CDK14: variants seen among roughly 807,000 people sequenced by gnomAD.
The protein encoded by CDK14 is cyclin dependent kinase 14, also known as cyclin-dependent kinase 14.
In CDK14, 34 loss-of-function variants were observed where a neutral mutation model predicts 60.7. The ratio of observed to expected loss-of-function variants is 0.56; its 90% CI spans 0.43 to 0.75. The LOEUF is 0.75. Ranked by LOEUF, CDK14 falls within the 30% of genes least tolerant of loss-of-function variation. The pLI, the probability that CDK14 is intolerant of heterozygous loss-of-function variation, is 0.00. For synonymous variants in CDK14, 197 were observed against 203.7 expected, an observed-to-expected ratio of 0.97 and a Z score of 0.28; for missense variants, 482 against 564.1, an observed-to-expected ratio of 0.85 and a Z score of 1.47.
At chr7:91,153,363 A>G (rs954347811) in intron 14 of CDK14, among the ~76,000 whole-genome samples, 1 of 152,202 alleles carries the variant, frequency 6.6e-6, no homozygotes, top group Non-Finnish European at 1.5e-5. Context: ...CAGAACTGTC[A>G]TTTGACCCAG....
intron 4 of CDK14, among the ~76,000 whole-genome samples, chr7:90,789,723 A>G (rs990341989): frequency 1.3e-5 from 2 of 152,122 alleles, no homozygotes; most frequent in Admixed American, 6.5e-5. Context: ...ACTGAGGATT[A>G]TATGTGTGCT....
chr7:91,148,633 G>A (rs575116423), intron 14 of CDK14, among the ~76,000 whole-genome samples: 31 of 152,156 alleles, frequency 2.0e-4, no homozygotes, highest in Non-Finnish European at 4.3e-4. Context: ...CATTCTTTGG[G>A]GAGAGATAGA....
chr7:90,596,779 C>A, intron 1 of CDK14, 61 bp downstream of exon 1: 1 of 1,397,022 alleles, frequency 7.2e-7, no homozygotes, highest in Non-Finnish European at 1.0e-6. Context: ...GCGCCCCCGC[C>A]GCGTTCCTGG....
chr7:91,172,742 C>A (rs772025582), intron 14 of CDK14, among the ~76,000 whole-genome samples: 3 of 152,246 alleles, frequency 2.0e-5, no homozygotes, highest in Admixed American at 1.3e-4. Flanking sequence ...GTGGAAATGC[C>A]GTCCTTCCTT....
At chr7:90,618,805 G>A (rs1017346298) in intron 2 of CDK14, among the ~76,000 whole-genome samples, 5 of 152,154 alleles carry the variant, frequency 3.3e-5, no homozygotes, top group African/African-American at 1.2e-4. Flanking sequence ...CATCAGTTGA[G>A]TTGGAAAGAT....
At chr7:90,635,114 C>T (rs993937581) in intron 2 of CDK14, among the ~76,000 whole-genome samples, 34 of 151,974 alleles carry the variant, frequency 2.2e-4, no homozygotes, top group African/African-American at 8.2e-4. Flanking sequence ...GTTTCTTTTG[C>T]TGTGCAGAAG....
rs17866307 is a variant in CDK14, at chr7:90,639,361, C to T, written c.123+35112C>T. 6.6e-3 allele frequency among the ~76,000 whole-genome samples: 1,004 copies of T among 152,164 alleles called. 9 individuals are homozygous for T. Among genetic ancestry groups the T allele is most frequent in the African/African-American group, 0.021 (877 of 41,498 alleles). On this transcript the variant is annotated intron_variant, in intron 2 of 14. Coordinates refer to ENST00000380050, the MANE Select transcript of CDK14 (RefSeq NM_001287135.2). Reference sequence around the variant, plus strand: ...TCCTTCTAACAGACAGGACCCTCAGCTGCAGGTCTGTTGGAGTTTGCTAGA... The same window carrying T: ...TCCTTCTAACAGACAGGACCCTCAGTTGCAGGTCTGTTGGAGTTTGCTAGA...
At chr7:90,988,049 T>C (rs1228490859) in intron 10 of CDK14, among the ~76,000 whole-genome samples, 1 of 152,180 alleles carries the variant, frequency 6.6e-6, no homozygotes, top group Non-Finnish European at 1.5e-5. Context: ...ACAGCTAATA[T>C]AATTAGCTCC....
At chr7:90,633,396 G>T (rs1800050139) in intron 2 of CDK14, among the ~76,000 whole-genome samples, 1 of 152,132 alleles carries the variant, frequency 6.6e-6, no homozygotes, top group Admixed American at 6.5e-5. Context: ...AAATTTCTTA[G>T]ATATATGCAA....
chr7:90,794,681 T>G (rs569336234), intron 5 of CDK14, among the ~76,000 whole-genome samples: 1 of 152,302 alleles, frequency 6.6e-6, no homozygotes, highest in Non-Finnish European at 1.5e-5. Context: ...GGTGCCCAGA[T>G]TTCATATTGT....
chr7:91,173,808 G>A (rs1043218436), intron 14 of CDK14, among the ~76,000 whole-genome samples: 1 of 152,278 alleles, frequency 6.6e-6, no homozygotes, highest in Non-Finnish European at 1.5e-5. Flanking sequence ...AGGGTCCTAC[G>A]CCCACGGAGT....
intron 6 of CDK14, among the ~76,000 whole-genome samples, chr7:90,872,669 T>A (rs1479206439): frequency 6.8e-6 from 1 of 147,690 alleles, no homozygotes; most frequent in Non-Finnish European, 1.5e-5. Context: ...TTTTTCCTGT[T>A]TACATCATAT....
chr7:90,992,337 A>G (rs1297273277), intron 10 of CDK14, among the ~76,000 whole-genome samples: 1 of 152,248 alleles, frequency 6.6e-6, no homozygotes, highest in Non-Finnish European at 1.5e-5. Flanking sequence ...CAAACTTTCT[A>G]TAAAATGGAA....
chr7:91,058,362 T>A (rs1054982218), intron 11 of CDK14, among the ~76,000 whole-genome samples: 1 of 152,176 alleles, frequency 6.6e-6, no homozygotes, highest in African/African-American at 2.4e-5. Context: ...ACAGGGACAA[T>A]TTGGCTTCCT....
At chr7:90,970,402 T>C (rs1192033998) in intron 9 of CDK14, among the ~76,000 whole-genome samples, 2 of 152,242 alleles carry the variant, frequency 1.3e-5, no homozygotes, top group African/African-American at 4.8e-5. Context: ...TTATTTTGAT[T>C]TTGTCTTTAT....
intron 4 of CDK14, among the ~76,000 whole-genome samples, chr7:90,764,839 T>A (rs1037383484): frequency 1.3e-5 from 2 of 152,192 alleles, no homozygotes; most frequent in African/African-American, 4.8e-5. Context: ...CTATCTCTGT[T>A]TTCAGGGACT....
At chr7:91,161,803 AATCCTTCTTGAC>A (rs1801174605) in intron 14 of CDK14, among the ~76,000 whole-genome samples, 1 of 152,260 alleles carries the variant, frequency 6.6e-6, no homozygotes, top group Non-Finnish European at 1.5e-5. Flanking sequence ...GATACTGCTA[AATCCTTCTTGAC>A]ATTCGGCACA....
intron 2 of CDK14, among the ~76,000 whole-genome samples, chr7:90,621,655 T>TCCTGCCTTCCTC (rs1457462136): frequency 9.0e-6 from 1 of 111,650 alleles, no homozygotes; most frequent in South Asian, 3.0e-4. Flanking sequence ...CTTCCTTCCT[T>TCCTGCCTTCCTC]CCTTCCTTCC....
In CDK14 at chr7:90,786,755, A is replaced by AAT. The variant is rs1554336711; in HGVS notation, c.465-3818_465-3817insAT. On this transcript the variant is annotated intron_variant, in intron 4 of 14. Transcript: ENST00000380050. The stretch of plus-strand genomic sequence containing the variant: ...AACATAGTGAGACCTTTTCTCTAAA[A>AAT]TTTTTTTTTTTAAATTAGCCTGACG... Among the ~76,000 whole-genome samples the AAT allele has an allele frequency of 5.2e-3, 766 of 148,572 alleles. 6 individuals carry two copies. The highest frequency in any genetic ancestry group is 0.017 in the African/African-American group (709 of 40,516).
Sources: gnomAD v4.1 joint callset for allele counts (sites outside exome capture counted in the v4.1 genomes callset) on GRCh38, gnomAD v4.1.1 for gene constraint, MANE v1.5 for transcripts, NCBI Gene and HGNC (gene_info 2026-07-23, HGNC 2026-07-21) for gene names.